The following TIAM1 variants were observed in gnomAD, a reference collection of about 807,000 sequenced individuals.
The protein encoded by TIAM1 is TIAM Rac1 associated GEF 1.
TIAM1 carries 65 observed loss-of-function variants against 163.5 expected under a neutral mutation model. The ratio of observed to expected loss-of-function variants is 0.40; its 90% confidence interval spans 0.33 to 0.49. The LOEUF is 0.49. Ranked by LOEUF, TIAM1 falls within the 20% of genes least tolerant of loss-of-function variation. TIAM1 has a pLI of 0.77. For missense variants in TIAM1, 1,789 were observed against 2,044.7 expected, an observed-to-expected ratio of 0.87 and a Z score of 2.41; for synonymous variants, 833 against 810.1, an observed-to-expected ratio of 1.03 and a Z score of -0.48.
intron 2 of TIAM1, among the ~76,000 whole-genome samples, chr21:31,350,847 C>CA (rs1307240967): frequency 6.6e-6 from 1 of 152,224 alleles, no homozygotes; most frequent in African/African-American, 2.4e-5. Context: ...AGACATCTAG[C>CA]ACAGGGGTAG....
chr21:31,300,128 G>A (rs938801713), intron 2 of TIAM1, among the ~76,000 whole-genome samples: 2 of 152,112 alleles, frequency 1.3e-5, no homozygotes, highest in African/African-American at 4.8e-5. Context: ...TTGCGACAGT[G>A]GGTGAGTTCT....
intron 1 of TIAM1, among the ~76,000 whole-genome samples, chr21:31,479,403 G>A (rs1231039371): frequency 4.6e-5 from 7 of 151,166 alleles, no homozygotes; most frequent in Non-Finnish European, 8.9e-5. Context: ...ATGGATGGAC[G>A]GAGGGGCGGG....
At chr21:31,515,179 A>G (rs1387502930) in intron 1 of TIAM1, among the ~76,000 whole-genome samples, 1 of 152,094 alleles carries the variant, frequency 6.6e-6, no homozygotes, top group African/African-American at 2.4e-5. Flanking sequence ...CCCAACTCCA[A>G]AATCATGACC....
At chr21:31,224,728 A>T (rs2087837136) in intron 7 of TIAM1, among the ~76,000 whole-genome samples, 1 of 152,190 alleles carries the variant, frequency 6.6e-6, no homozygotes, top group Non-Finnish European at 1.5e-5. Context: ...GCCTCAATTT[A>T]AAAAAATACA....
chr21:31,425,789 C>G (rs8130369), intron 2 of TIAM1, among the ~76,000 whole-genome samples: 5,943 of 152,004 alleles, frequency 0.039, 384 homozygotes, highest in African/African-American at 0.13. Flanking sequence ...CTCCGCCTCG[C>G]AGGTTCAAGC....
In TIAM1 at chr21:31,193,718, T is replaced by G. The variant is rs185596746; in HGVS notation, c.2575+1506A>C. Among the ~76,000 whole-genome samples, 82 of 152,324 alleles carry G rather than the reference T, an allele frequency of 5.4e-4. No homozygotes were observed. The East Asian group carries it at 6.2e-3, about 11-fold the overall frequency. On this transcript the variant is annotated intron_variant, in intron 13 of 27. Transcript: ENST00000541036. The stretch of plus-strand genomic sequence containing the variant: ...AAGCAACCCCCAAATAATTTTTTTT[T>G]GTAACAAAAAGCAGCCTGTAAAATC...
At chr21:31,315,842 T>C (rs900764040) in intron 2 of TIAM1, among the ~76,000 whole-genome samples, 2 of 151,742 alleles carry the variant, frequency 1.3e-5, no homozygotes, top group African/African-American at 4.8e-5. Flanking sequence ...GCGGGTGTGG[T>C]GGTGCACGCC....
intron 2 of TIAM1, among the ~76,000 whole-genome samples, chr21:31,337,812 G>A (rs942851529): frequency 6.6e-6 from 1 of 151,966 alleles, no homozygotes; most frequent in Non-Finnish European, 1.5e-5. Context: ...TTACGGGTGT[G>A]AGCCACCACA....
chr21:31,194,977 C>T (rs1431084459), intron 13 of TIAM1, among the ~76,000 whole-genome samples: 4 of 152,140 alleles, frequency 2.6e-5, no homozygotes, highest in Non-Finnish European at 5.9e-5. Flanking sequence ...AAATAAGCTA[C>T]CCACTTCCTT....
chr21:31,370,275 A>T (rs2076573848), intron 2 of TIAM1, among the ~76,000 whole-genome samples: 1 of 152,228 alleles, frequency 6.6e-6, no homozygotes, highest in African/African-American at 2.4e-5. Flanking sequence ...TATGAGACAG[A>T]GGTTAAGTTT....
At chr21:31,239,688 A>G (rs1169230499) in intron 6 of TIAM1, among the ~76,000 whole-genome samples, 1 of 152,196 alleles carries the variant, frequency 6.6e-6, no homozygotes, top group Non-Finnish European at 1.5e-5. Context: ...TAAATCATTA[A>G]CAAAGAAACT....
intron 19 of TIAM1, among the ~76,000 whole-genome samples, chr21:31,148,956 CTTTT>C (rs869158026): frequency 1.4e-4 from 4 of 28,844 alleles, no homozygotes. Flanking sequence ...ACAAGTTTTT[CTTTT>C]TCTTTTTTTT....
intron 10 of TIAM1, among the ~76,000 whole-genome samples, chr21:31,210,778 GAAAGAA>G (rs2086829485): frequency 7.1e-6 from 1 of 141,168 alleles, no homozygotes; most frequent in African/African-American, 3.1e-5. Context: ...AAGAAAGAAA[GAAAGAA>G]AGAAAGAAAG....
chr21:31,326,352 A>T (rs1471139037), intron 2 of TIAM1, among the ~76,000 whole-genome samples: 1 of 152,188 alleles, frequency 6.6e-6, no homozygotes, highest in Non-Finnish European at 1.5e-5. Flanking sequence ...AGGGAAGGGG[A>T]GTACTATGGC....
chr21:31,321,415 C>T (rs183559904), intron 2 of TIAM1, among the ~76,000 whole-genome samples: 13 of 152,174 alleles, frequency 8.5e-5, no homozygotes, highest in Non-Finnish European at 1.6e-4. Flanking sequence ...TGCAATGGCG[C>T]GATCTTGGCT....
intron 2 of TIAM1, among the ~76,000 whole-genome samples, chr21:31,325,116 C>CA (rs34060373): frequency 3.1e-4 from 45 of 145,432 alleles, no homozygotes; most frequent in East Asian, 2.9e-3. Context: ...CCCATCTCTA[C>CA]AAAAAAAAAA....
intron 3 of TIAM1, among the ~76,000 whole-genome samples, chr21:31,276,097 G>A (rs2073287135): frequency 6.6e-6 from 1 of 152,028 alleles, no homozygotes; most frequent in Non-Finnish European, 1.5e-5. Flanking sequence ...GGAGGTCTTG[G>A]TTTCAAGCCT....
intron 1 of TIAM1, among the ~76,000 whole-genome samples, chr21:31,470,301 G>T (rs2045695641): frequency 6.6e-6 from 1 of 151,618 alleles, no homozygotes; most frequent in Admixed American, 6.6e-5. Context: ...TCCCACGCCA[G>T]GCTGAAAACT....
chr21:31,310,589 T>C (rs2074888036), intron 2 of TIAM1, among the ~76,000 whole-genome samples: 1 of 152,160 alleles, frequency 6.6e-6, no homozygotes, highest in Non-Finnish European at 1.5e-5. Flanking sequence ...GAGGTTAAAC[T>C]AATTTCACAG....
Sources: gnomAD v4.1 joint callset for allele counts (sites outside exome capture counted in the v4.1 genomes callset) on GRCh38, gnomAD v4.1.1 for gene constraint, MANE v1.5 for transcripts, NCBI Gene and HGNC (gene_info 2026-07-23, HGNC 2026-07-21) for gene names.